Variants in IL1RAPL2 observed in about 807,000 individuals in gnomAD.
The protein encoded by IL1RAPL2 is interleukin 1 receptor accessory protein like 2.
Under a neutral mutation model 44.1 loss-of-function variants are expected in IL1RAPL2, and 3 were observed. The observed-to-expected ratio is 0.07, with a 90% CI of 0.03 to 0.18. The LOEUF (loss-of-function observed/expected upper bound fraction) is 0.18, where lower values mean the gene tolerates loss of function less well. Ranked by LOEUF, IL1RAPL2 falls within the 10% of genes least tolerant of loss-of-function variation. The probability of loss-of-function intolerance (pLI) is 1.00; values close to 1 mark genes in which losing one functional copy is unlikely to be tolerated. For synonymous variants in IL1RAPL2, 181 were observed against 178.8 expected (o/e 1.01, Z -0.10); for missense variants, 391 against 496.4 (o/e 0.79, Z 2.02).
intron 5 of IL1RAPL2, among the ~76,000 whole-genome samples, chrX:105,385,028 A>G (rs2035466143): frequency 9.0e-6 from 1 of 111,132 alleles, no homozygotes; most frequent in Non-Finnish European, 1.9e-5. Flanking sequence ...ATTTTTTTTA[A>G]TATAAGGTCA....
At chrX:105,099,453 CTTTTTTT>C (rs36063657) in intron 2 of IL1RAPL2, among the ~76,000 whole-genome samples, 4 of 35,866 alleles carry the variant, frequency 1.1e-4, no homozygotes, top group African/African-American at 2.8e-4. Flanking sequence ...GTGCCACATA[CTTTTTTT>C]TTTTTTTTTT....
intron 6 of IL1RAPL2, among the ~76,000 whole-genome samples, chrX:105,624,428 A>T (rs535490944): frequency 4.5e-5 from 5 of 111,342 alleles, no homozygotes; most frequent in African/African-American, 1.6e-4. Context: ...ATAAATACTG[A>T]TAAAACCTTC....
rs146886989 is a variant in IL1RAPL2, at chrX:104,615,998, A to G, written c.-19-42897A>G. The stretch of plus-strand genomic sequence containing the variant: ...GATCAGTGATGTTGAGCTTTTTTTC[A>G]TATGTTTGTTGGCCACATGAATGTC... On this transcript the variant is annotated intron_variant, in intron 1 of 10. Transcript: ENST00000372582. Among the ~76,000 whole-genome samples, 190 of 111,651 alleles carry G rather than the reference A, an allele frequency of 1.7e-3. 5 individuals are homozygous for G. In the East Asian group the frequency reaches 0.047, roughly 28 times the overall value.
Position 105,538,238 on chromosome X carries a change from G to A in IL1RAPL2, c.772+53851G>A, listed in dbSNP as rs773665643. 1.3e-4 allele frequency among the ~76,000 whole-genome samples: 14 copies of A among 108,226 alleles called. No homozygotes were observed. In the East Asian group the frequency reaches 4.1e-3, roughly 32 times the overall value. 94.0% of individuals were successfully genotyped at this position (108,226 alleles called of 115,157 possible). ...TTTTTAGTAGAGACAGGGTTTCACC[G>A]TGTTAACCAGGATGATCTCGATCTC... is the stretch of plus-strand genomic sequence containing the variant. On this transcript the variant is annotated intron_variant, in intron 6 of 10. Coordinates refer to ENST00000372582, the MANE Select transcript of IL1RAPL2 (RefSeq NM_017416.2).
intron 2 of IL1RAPL2, among the ~76,000 whole-genome samples, chrX:104,918,579 C>T (rs913502683): frequency 8.9e-6 from 1 of 112,034 alleles, no homozygotes; most frequent in African/African-American, 3.2e-5. Context: ...ATTTTACTTC[C>T]ACAACCTATG....
intron 2 of IL1RAPL2, among the ~76,000 whole-genome samples, chrX:104,857,835 G>T (rs1922402716): frequency 9.0e-6 from 1 of 110,760 alleles, no homozygotes; most frequent in Admixed American, 9.7e-5. Flanking sequence ...CCTCCAACCT[G>T]TTTTTTGTCC....
chrX:104,852,727 T>C (rs1334715339), intron 2 of IL1RAPL2, among the ~76,000 whole-genome samples: 1 of 111,962 alleles, frequency 8.9e-6, no homozygotes, highest in African/African-American at 3.2e-5. Context: ...CCTGATCCCG[T>C]GGGGGCCATT....
At chrX:104,743,510 TATTA>T (rs1284196364) in intron 2 of IL1RAPL2, among the ~76,000 whole-genome samples, 2 of 110,495 alleles carry the variant, frequency 1.8e-5, no homozygotes, top group African/African-American at 6.6e-5. Flanking sequence ...ATGTAAAAAT[TATTA>T]ATTCAAAAAA....
At chrX:104,942,494 CTCTG>C (rs1925209776) in intron 2 of IL1RAPL2, among the ~76,000 whole-genome samples, 2 of 110,711 alleles carry the variant, frequency 1.8e-5, no homozygotes, top group Non-Finnish European at 1.9e-5. Context: ...TGATTTGGCT[CTCTG>C]TCTGTTATTG....
intron 2 of IL1RAPL2, among the ~76,000 whole-genome samples, chrX:105,179,780 T>C (rs1227583629): frequency 9.1e-6 from 1 of 109,639 alleles, no homozygotes; most frequent in Non-Finnish European, 1.9e-5. Context: ...TTCTTGATTT[T>C]TTTTTTTGCC....
chrX:105,583,823 G>A lies in IL1RAPL2; in HGVS notation c.772+99436G>A, dbSNP rs1335367190. Among the ~76,000 whole-genome samples the A allele has an allele frequency of 1.8e-4, 20 of 111,708 alleles. No homozygotes were observed. In the East Asian group the frequency reaches 5.1e-3, roughly 28 times the overall value. On this transcript the variant is annotated intron_variant, in intron 6 of 10. Transcript: ENST00000372582. ...TTTTCTTTTACTAGTTTCTCAAGATGGAAGCTTAAATCATTGATTTGAGAA... is the reference window on the plus strand; with the variant it reads ...TTTTCTTTTACTAGTTTCTCAAGATAGAAGCTTAAATCATTGATTTGAGAA...
intron 2 of IL1RAPL2, among the ~76,000 whole-genome samples, chrX:104,763,370 C>A (rs757377567): frequency 4.5e-5 from 5 of 112,084 alleles, no homozygotes; most frequent in Non-Finnish European, 7.5e-5. Flanking sequence ...TTTCCCACAT[C>A]TGTTTTCTGA....
chrX:104,739,949 T>C (rs1207293318), intron 2 of IL1RAPL2, among the ~76,000 whole-genome samples: 1 of 111,657 alleles, frequency 9.0e-6, no homozygotes, highest in Non-Finnish European at 1.9e-5. Flanking sequence ...TCATGACTAA[T>C]GGTGAAACAC....
intron 2 of IL1RAPL2, among the ~76,000 whole-genome samples, chrX:104,816,438 C>T (rs1921138161): frequency 8.9e-6 from 1 of 112,211 alleles, no homozygotes; most frequent in Admixed American, 9.5e-5. Context: ...GCCCTTCAGA[C>T]AAAATGCTTT....
chrX:104,824,084 G>A (rs2147625047), intron 2 of IL1RAPL2, among the ~76,000 whole-genome samples: 1 of 112,169 alleles, frequency 8.9e-6, no homozygotes, highest in South Asian at 3.7e-4. Flanking sequence ...TTTATTGATA[G>A]TTTTTAGCGG....
In IL1RAPL2 at chrX:105,535,025, C is replaced by T. The variant is rs551397625; in HGVS notation, c.772+50638C>T. On this transcript the variant is annotated intron_variant, in intron 6 of 10. Transcript: ENST00000372582. ...ATAAAAGGAAAAATAGACAAGTTGA[C>T]GTCATCAAAATTCATGTTTGCTCTG... Among the ~76,000 whole-genome samples the T allele has an allele frequency of 4.5e-5, 5 of 111,749 alleles. No homozygotes were observed. The South Asian group carries it at 1.5e-3, about 33-fold the overall frequency.
intron 2 of IL1RAPL2, among the ~76,000 whole-genome samples, chrX:104,757,673 C>A (rs142990955): frequency 0.026 from 2,933 of 111,406 alleles, 92 homozygotes; most frequent in African/African-American, 0.092. Flanking sequence ...CCAAAATCAT[C>A]TCTGGGTACT....
chrX:104,687,408 C>T (rs1931008591), intron 2 of IL1RAPL2, among the ~76,000 whole-genome samples: 1 of 110,758 alleles, frequency 9.0e-6, no homozygotes, highest in African/African-American at 3.3e-5. Flanking sequence ...ACAATCAGTT[C>T]TTGTGGGAAC....
At chrX:105,168,457 G>A (rs1005541309) in intron 2 of IL1RAPL2, among the ~76,000 whole-genome samples, 3 of 102,793 alleles carry the variant, frequency 2.9e-5, no homozygotes, top group Admixed American at 1.1e-4. Context: ...GTGTGTGCAC[G>A]TGCATGTAAA....
Sources: allele counts gnomAD v4.1 joint callset (sites outside exome capture counted in the v4.1 genomes callset), GRCh38; gene constraint gnomAD v4.1.1; transcripts MANE v1.5; gene names NCBI Gene and HGNC (gene_info 2026-07-23, HGNC 2026-07-21).